NRXN3: variants seen among roughly 807,000 people sequenced by gnomAD.
The protein encoded by NRXN3 is neurexin 3, also known as neurexin III.
In NRXN3, 32 loss-of-function variants were observed where a neutral mutation model predicts 137.6. The observed-to-expected ratio is 0.23, with a 90% confidence interval of 0.18 to 0.31. The LOEUF (loss-of-function observed/expected upper bound fraction) is 0.31, where lower values mean the gene tolerates loss of function less well. Ranked by LOEUF, NRXN3 falls within the 10% of genes least tolerant of loss-of-function variation. NRXN3 has a pLI of 1.00. For missense variants in NRXN3, 1,574 were observed against 2,062.5 expected (o/e 0.76, Z 4.59); for synonymous variants, 798 against 784.5 (o/e 1.02, Z -0.29).
At chr14:79,562,957 G>A (rs945080732) in intron 16 of NRXN3, among the ~76,000 whole-genome samples, 1 of 152,094 alleles carries the variant, frequency 6.6e-6, no homozygotes, top group African/African-American at 2.4e-5. Flanking sequence ...TTTGGAGACT[G>A]AATAAGATCT....
chr14:79,754,475 G>T (rs2099010644), intron 19 of NRXN3, among the ~76,000 whole-genome samples: 1 of 136,936 alleles, frequency 7.3e-6, no homozygotes, highest in Non-Finnish European at 1.5e-5. Context: ...GATGGATACA[G>T]AGGGAAGACT....
chr14:79,338,473 G>A (rs1224479013), intron 15 of NRXN3, among the ~76,000 whole-genome samples: 2 of 152,008 alleles, frequency 1.3e-5, no homozygotes, highest in Non-Finnish European at 2.9e-5. Flanking sequence ...CATGTGTATC[G>A]AGAGCTCAGG....
chr14:79,191,698 A>G (rs112392340), intron 15 of NRXN3, among the ~76,000 whole-genome samples: 156 of 152,286 alleles, frequency 1.0e-3, no homozygotes, highest in African/African-American at 3.5e-3. Flanking sequence ...TCTTGCAACA[A>G]CCCAGTTAGA....
intron 2 of NRXN3, among the ~76,000 whole-genome samples, chr14:78,269,317 A>G (rs2072321896): frequency 6.6e-6 from 1 of 152,240 alleles, no homozygotes; most frequent in East Asian, 1.9e-4. Context: ...TGAGGACATT[A>G]TGCTAAGTGG....
chr14:79,228,174 A>C (rs919383419), intron 15 of NRXN3, among the ~76,000 whole-genome samples: 2 of 152,144 alleles, frequency 1.3e-5, no homozygotes, highest in African/African-American at 4.8e-5. Flanking sequence ...GACCTCTGAC[A>C]GTTCTTGAGA....
chr14:79,437,102 T>A (rs2095857172), intron 15 of NRXN3, among the ~76,000 whole-genome samples: 1 of 152,124 alleles, frequency 6.6e-6, no homozygotes, highest in African/African-American at 2.4e-5. Context: ...CCTACCTCTG[T>A]GGACCTTATC....
At chr14:78,195,809 C>G (rs1261445319) in intron 1 of NRXN3, among the ~76,000 whole-genome samples, 1 of 152,234 alleles carries the variant, frequency 6.6e-6, no homozygotes. Context: ...CATGGTTTTT[C>G]TACTATAACC....
intron 20 of NRXN3, among the ~76,000 whole-genome samples, chr14:79,849,100 G>T (rs1018054382): frequency 6.6e-6 from 1 of 152,108 alleles, no homozygotes; most frequent in Non-Finnish European, 1.5e-5. Context: ...ATAACAAATT[G>T]CTCACACATT....
At chr14:79,153,409 G>C (rs903855481) in intron 15 of NRXN3, among the ~76,000 whole-genome samples, 1 of 151,960 alleles carries the variant, frequency 6.6e-6, no homozygotes, top group Admixed American at 6.6e-5. Context: ...TTTTATTTGA[G>C]AGAGAGAAAG....
chr14:79,139,591 G>A (rs1394920880), intron 15 of NRXN3, among the ~76,000 whole-genome samples: 2 of 152,030 alleles, frequency 1.3e-5, no homozygotes, highest in African/African-American at 2.4e-5. Context: ...TCTCTGACTT[G>A]CTGCGAGTGT....
chr14:78,592,995 C>T (rs1002728612), intron 4 of NRXN3, among the ~76,000 whole-genome samples: 1 of 152,136 alleles, frequency 6.6e-6, no homozygotes, highest in African/African-American at 2.4e-5. Flanking sequence ...CCTTGCTCCT[C>T]ATTTGTGCGC....
intron 15 of NRXN3, among the ~76,000 whole-genome samples, chr14:79,319,841 A>G (rs2089651916): frequency 6.6e-6 from 1 of 152,116 alleles, no homozygotes; most frequent in African/African-American, 2.4e-5. Context: ...AGCTCTGTTA[A>G]TGGGTGTCCT....
chr14:79,834,539 TTATC>T (rs1353341684), intron 20 of NRXN3, among the ~76,000 whole-genome samples: 6 of 152,290 alleles, frequency 3.9e-5, no homozygotes, highest in Non-Finnish European at 7.4e-5. Context: ...AAAATATTAT[TTATC>T]TATCTATCAA....
In NRXN3 at chr14:79,314,346, G is replaced by A. The variant is rs1391827317; in HGVS notation, c.3263-152875G>A. On this transcript the variant is annotated intron_variant, in intron 15 of 20. Coordinates refer to ENST00000335750, the MANE Select transcript of NRXN3 (RefSeq NM_001330195.2). ...CGGGTCACTCCCACCCGAATATTGC[G>A]CTTTTCAGACCGGCTTAAGAAACGG... is the stretch of plus-strand genomic sequence containing the variant. Among the ~76,000 whole-genome samples the A allele has an allele frequency of 9.3e-5, 7 of 75,632 alleles. No homozygotes were observed. The East Asian group carries it at 2.5e-3, about 28-fold the overall frequency. The allele number at this position is 75,632 out of a possible 152,430, so 49.6% of individuals were successfully genotyped here. A position where few individuals can be genotyped will look rare whatever the true frequency, so the allele number is the denominator to read the frequency against.
intron 10 of NRXN3, among the ~76,000 whole-genome samples, chr14:78,912,367 T>C (rs944479572): frequency 6.6e-6 from 1 of 151,604 alleles, no homozygotes; most frequent in Non-Finnish European, 1.5e-5. Context: ...CAATCAGTTC[T>C]TACTGTCAGT....
rs3742724 is a variant in NRXN3, at chr14:78,403,664, C to T, written c.757+105804C>T. 1.6e-3 allele frequency: 1,557 copies of T among 968,938 alleles called. 1 individual carries two copies. The highest frequency in any genetic ancestry group is 1.8e-3 in the Non-Finnish European group (1,476 of 814,918). 60.0% of individuals were successfully genotyped at this position (968,938 alleles called of 1,614,324 possible). On this transcript the variant is annotated intron_variant, in intron 4 of 20. Transcript: ENST00000335750. ...GAAGGGTGAGAGAGTTGCAAAATCA[C>T]GAACACCGAGGGCGGTGTTAGGAAG...
intron 16 of NRXN3, among the ~76,000 whole-genome samples, chr14:79,499,319 CT>C (rs1190979126): frequency 6.6e-6 from 1 of 152,212 alleles, no homozygotes; most frequent in African/African-American, 2.4e-5. Context: ...GAGCTTTTCT[CT>C]GTCTGGGAGA....
intron 3 of NRXN3, among the ~76,000 whole-genome samples, chr14:78,284,644 C>T (rs11159346): frequency 6.6e-6 from 1 of 151,908 alleles, no homozygotes; most frequent in Non-Finnish European, 1.5e-5. Context: ...ATCAACCCAC[C>T]GTTGTAGCTG....
chr14:78,448,528 G>A (rs184677005), intron 4 of NRXN3, among the ~76,000 whole-genome samples: 1 of 152,322 alleles, frequency 6.6e-6, no homozygotes, highest in Non-Finnish European at 1.5e-5. Flanking sequence ...TTTTTCCTAG[G>A]CTAGTCCTGG....
Sources: gnomAD v4.1 joint callset for allele counts (sites outside exome capture counted in the v4.1 genomes callset) on GRCh38, gnomAD v4.1.1 for gene constraint, MANE v1.5 for transcripts, NCBI Gene and HGNC (gene_info 2026-07-23, HGNC 2026-07-21) for gene names.